Variants in MBD5 observed in about 807,000 individuals in gnomAD.
MBD5 encodes the protein methyl-CpG binding domain protein 5.
Under a neutral mutation model 117.3 loss-of-function variants are expected in MBD5, and 13 were observed. The observed-to-expected ratio is 0.11, with a 90% confidence interval of 0.07 to 0.18. The LOEUF is 0.18. Among genes scored for constraint, MBD5 ranks in the 10% least tolerant of loss-of-function variants. The pLI is 1.00. For synonymous variants in MBD5, 727 were observed against 766.4 expected (o/e 0.95, Z 0.85); for missense variants, 1,879 against 2,093.8 (o/e 0.90, Z 2.00).
chr2:148,377,211 T>C (rs184699665), intron 4 of MBD5, among the ~76,000 whole-genome samples: 4 of 152,172 alleles, frequency 2.6e-5, no homozygotes, highest in African/African-American at 4.8e-5. Context: ...TTCAAAGGCA[T>C]TCAGCACGGG....
At chr2:148,391,291 A>G (rs1704563704) in intron 4 of MBD5, among the ~76,000 whole-genome samples, 2 of 152,200 alleles carry the variant, frequency 1.3e-5, no homozygotes, top group South Asian at 4.1e-4. Flanking sequence ...CTGGGAAAAT[A>G]TACAGCTAAA....
At chr2:148,079,353 T>C (rs532647249) in intron 1 of MBD5, among the ~76,000 whole-genome samples, 68 of 152,326 alleles carry the variant, frequency 4.5e-4, no homozygotes, top group African/African-American at 1.6e-3. Context: ...GCAAGCTCAA[T>C]CGATGAGGAT....
At chr2:148,269,577 T>G (rs984409648) in intron 3 of MBD5, among the ~76,000 whole-genome samples, 1 of 151,772 alleles carries the variant, frequency 6.6e-6, no homozygotes, top group Admixed American at 6.6e-5. Context: ...ATAATTGATA[T>G]GTGACTTTGT....
chr2:148,422,213 G>T (rs1705631269), intron 4 of MBD5, among the ~76,000 whole-genome samples: 1 of 152,124 alleles, frequency 6.6e-6, no homozygotes. Context: ...GTGCCCCTCT[G>T]GGAAGAAGCT....
At chr2:148,211,907 G>A (rs1365210024) in intron 2 of MBD5, among the ~76,000 whole-genome samples, 1 of 152,044 alleles carries the variant, frequency 6.6e-6, no homozygotes, top group Non-Finnish European at 1.5e-5. Context: ...ACCATGCCCA[G>A]CTAATTTTTT....
chr2:148,342,653 G>T (rs993804489), intron 4 of MBD5, among the ~76,000 whole-genome samples: 3 of 151,728 alleles, frequency 2.0e-5, no homozygotes, highest in Non-Finnish European at 2.9e-5. Flanking sequence ...TATAATATGT[G>T]GATTTATATA....
At chr2:148,199,884 A>G (rs1278443965) in intron 2 of MBD5, among the ~76,000 whole-genome samples, 1 of 152,224 alleles carries the variant, frequency 6.6e-6, no homozygotes, top group Non-Finnish European at 1.5e-5. Context: ...TGCGGTATAC[A>G]AAGTATGACT....
chr2:148,220,795 A>ATT, intron 2 of MBD5, among the ~76,000 whole-genome samples: 1 of 152,154 alleles, frequency 6.6e-6, no homozygotes, highest in East Asian at 1.9e-4. Flanking sequence ...TGTTATAACA[A>ATT]TTTTTACTTA....
At chr2:148,254,843 G>A (rs974476502) in intron 3 of MBD5, among the ~76,000 whole-genome samples, 36 of 152,274 alleles carry the variant, frequency 2.4e-4, no homozygotes, top group Non-Finnish European at 3.8e-4. Context: ...GGTACTACAT[G>A]TTCCCCCACG....
At chr2:148,046,209 C>CT (rs1694528006) in intron 1 of MBD5, among the ~76,000 whole-genome samples, 1 of 151,998 alleles carries the variant, frequency 6.6e-6, no homozygotes, top group Non-Finnish European at 1.5e-5. Context: ...GTTTTGATCT[C>CT]TTGACCTTGT....
At chr2:148,140,991 C>T (rs1276436484) in intron 1 of MBD5, among the ~76,000 whole-genome samples, 1 of 152,050 alleles carries the variant, frequency 6.6e-6, no homozygotes, top group African/African-American at 2.4e-5. Context: ...AGGCTGTTCT[C>T]GAACTCCTGG....
intron 4 of MBD5, among the ~76,000 whole-genome samples, chr2:148,399,714 G>T (rs1358581814): frequency 6.6e-6 from 1 of 152,018 alleles, no homozygotes; most frequent in African/African-American, 2.4e-5. Context: ...GTGAGAGAGG[G>T]CATCCCTGTC....
intron 1 of MBD5, among the ~76,000 whole-genome samples, chr2:148,114,247 G>T (rs1246542564): frequency 6.6e-6 from 1 of 152,118 alleles, no homozygotes; most frequent in Non-Finnish European, 1.5e-5. Context: ...AAGGCAGGCG[G>T]GATCACAAGG....
At chr2:148,102,100 T>C (rs918285078) in intron 1 of MBD5, among the ~76,000 whole-genome samples, 9 of 152,206 alleles carry the variant, frequency 5.9e-5, no homozygotes, top group Non-Finnish European at 1.0e-4. Flanking sequence ...GTTCCTGATA[T>C]CAAGTTTTCT....
intron 11 of MBD5, 183 bp from the exon 12 acceptor site, chr2:148,502,253 C>T: frequency 1.6e-6 from 1 of 627,318 alleles, no homozygotes; most frequent in Non-Finnish European, 2.9e-6. Context: ...ACTGATGCTG[C>T]AGCCTGGAGC....
At chr2:148,107,336 T>C in intron 1 of MBD5, among the ~76,000 whole-genome samples, 1 of 152,082 alleles carries the variant, frequency 6.6e-6, no homozygotes, top group East Asian at 1.9e-4. Context: ...GCAGTTTCAC[T>C]ATGGTGTGTA....
At chr2:148,352,894 A>C (rs969748600) in intron 4 of MBD5, among the ~76,000 whole-genome samples, 8 of 152,142 alleles carry the variant, frequency 5.3e-5, no homozygotes, top group African/African-American at 7.2e-5. Flanking sequence ...TATTGATCAC[A>C]TATAATAGCA....
At chr2:148,195,855 C>T (rs748969279) in intron 2 of MBD5, among the ~76,000 whole-genome samples, 15 of 152,020 alleles carry the variant, frequency 9.9e-5, no homozygotes, top group Non-Finnish European at 1.9e-4. Context: ...TGTGATGAAA[C>T]CACAACATAA....
intron 5 of MBD5, among the ~76,000 whole-genome samples, chr2:148,459,491 TAAG>T (rs140733908): frequency 0.015 from 2,233 of 152,310 alleles, 51 homozygotes; most frequent in African/African-American, 0.05. Context: ...ACTAAACTGT[TAAG>T]AAGAAGTTTT....
Sources: allele counts gnomAD v4.1 joint callset (sites outside exome capture counted in the v4.1 genomes callset), GRCh38; gene constraint gnomAD v4.1.1; transcripts MANE v1.5; gene names NCBI Gene and HGNC (gene_info 2026-07-23, HGNC 2026-07-21).